Variants in RABGAP1L observed in about 807,000 individuals in gnomAD.
RABGAP1L encodes rab GTPase-activating protein 1-like.
In RABGAP1L, 63 loss-of-function variants were observed where a neutral mutation model predicts 137.7. The observed-to-expected ratio is 0.46, with a 90% CI of 0.37 to 0.56. RABGAP1L has a LOEUF of 0.56. RABGAP1L is among the 20% of genes least tolerant of loss of function. The pLI is 0.00. For missense variants in RABGAP1L, 1,095 were observed against 1,244.0 expected (o/e 0.88, Z 1.80); for synonymous variants, 431 against 433.7 (o/e 0.99, Z 0.08).
chr1:174,564,004 C>G (rs1236490183), intron 13 of RABGAP1L, among the ~76,000 whole-genome samples: 1 of 152,048 alleles, frequency 6.6e-6, no homozygotes, highest in Non-Finnish European at 1.5e-5. Context: ...ATGGTTACTC[C>G]AGCTCCTGCA....
chr1:174,851,371 T>C (rs1206535639), intron 19 of RABGAP1L, among the ~76,000 whole-genome samples: 1 of 152,204 alleles, frequency 6.6e-6, no homozygotes, highest in Non-Finnish European at 1.5e-5. Flanking sequence ...TCGTTTCCAT[T>C]GGTGCCATAA....
At chr1:174,901,167 C>G (rs1363897718) in intron 19 of RABGAP1L, among the ~76,000 whole-genome samples, 1 of 152,068 alleles carries the variant, frequency 6.6e-6, no homozygotes, top group Non-Finnish European at 1.5e-5. Flanking sequence ...CCTCTCTAAC[C>G]TGGCTATTCT....
intron 14 of RABGAP1L, among the ~76,000 whole-genome samples, chr1:174,655,740 T>G (rs964871093): frequency 2.0e-5 from 3 of 152,264 alleles, no homozygotes; most frequent in African/African-American, 7.2e-5. Flanking sequence ...CTCATTTTAT[T>G]CAATGGATTG....
intron 13 of RABGAP1L, among the ~76,000 whole-genome samples, chr1:174,568,970 T>C (rs991191424): frequency 6.6e-6 from 1 of 152,238 alleles, no homozygotes; most frequent in Non-Finnish European, 1.5e-5. Context: ...GGCACTTTGC[T>C]AACCTCTCTA....
intron 13 of RABGAP1L, among the ~76,000 whole-genome samples, chr1:174,600,156 T>C (rs767974643): frequency 6.6e-6 from 1 of 152,114 alleles, no homozygotes; most frequent in Non-Finnish European, 1.5e-5. Flanking sequence ...ACCCAGCAGA[T>C]CTTGTGAGAC....
At chr1:174,880,370 G>A (rs1258324936) in intron 19 of RABGAP1L, among the ~76,000 whole-genome samples, 1 of 151,854 alleles carries the variant, frequency 6.6e-6, no homozygotes, top group Non-Finnish European at 1.5e-5. Flanking sequence ...TGTGACTCAT[G>A]CCTGTAATCT....
chr1:174,402,085 G>A (rs1331717524), intron 13 of RABGAP1L, among the ~76,000 whole-genome samples: 1 of 152,120 alleles, frequency 6.6e-6, no homozygotes, highest in African/African-American at 2.4e-5. Flanking sequence ...GATGCTAAAC[G>A]CTTCCTGAAG....
chr1:174,809,410 C>T (rs78171382), intron 18 of RABGAP1L, among the ~76,000 whole-genome samples: 2,579 of 152,274 alleles, frequency 0.017, 73 homozygotes, highest in African/African-American at 0.059. Context: ...ACATGGCCAT[C>T]CCTGCTTGAC....
intron 12 of RABGAP1L, among the ~76,000 whole-genome samples, chr1:174,380,631 G>T (rs1453756679): frequency 6.6e-6 from 1 of 151,986 alleles, no homozygotes; most frequent in African/African-American, 2.4e-5. Context: ...GATCTGTGAT[G>T]ATATCCCCTT....
intron 1 of RABGAP1L, among the ~76,000 whole-genome samples, chr1:174,205,023 A>G (rs1278563641): frequency 6.6e-6 from 1 of 152,102 alleles, no homozygotes; most frequent in East Asian, 1.9e-4. Flanking sequence ...GTGAGAATGG[A>G]CTAATAAAGG....
intron 13 of RABGAP1L, among the ~76,000 whole-genome samples, chr1:174,565,884 A>ATTTT (rs776033808): frequency 1.5e-5 from 2 of 132,756 alleles, no homozygotes; most frequent in African/African-American, 2.8e-5. Context: ...AATCCTTTAC[A>ATTTT]TTTTTTTTTT....
chr1:174,926,500 A>G (rs1662864206), intron 19 of RABGAP1L, among the ~76,000 whole-genome samples: 1 of 151,910 alleles, frequency 6.6e-6, no homozygotes, highest in Admixed American at 6.6e-5. Flanking sequence ...AAAGACCTTA[A>G]GTTTTTGTAG....
intron 13 of RABGAP1L, among the ~76,000 whole-genome samples, chr1:174,614,866 G>T (rs1373443785): frequency 2.0e-5 from 3 of 152,016 alleles, no homozygotes; most frequent in Non-Finnish European, 2.9e-5. Context: ...CCAGTTGATC[G>T]TATCGGCTCC....
intron 1 of RABGAP1L, among the ~76,000 whole-genome samples, chr1:174,165,681 T>C (rs1214484316): frequency 6.6e-6 from 1 of 151,990 alleles, no homozygotes. Context: ...TCATTACTTG[T>C]AGAGACGGGG....
chr1:174,335,982 TG>T (rs1178109066), intron 11 of RABGAP1L, among the ~76,000 whole-genome samples: 1 of 152,232 alleles, frequency 6.6e-6, no homozygotes, highest in Non-Finnish European at 1.5e-5. Flanking sequence ...CTTAACACTT[TG>T]TTGTACCTTT....
chr1:174,635,699 G>A (rs1031685045), intron 13 of RABGAP1L, among the ~76,000 whole-genome samples: 1 of 151,974 alleles, frequency 6.6e-6, no homozygotes, highest in African/African-American at 2.4e-5. Context: ...AATTTCCTCT[G>A]GATCGATTTG....
chr1:174,251,942 G>A (rs1182384908), intron 6 of RABGAP1L, among the ~76,000 whole-genome samples: 1 of 151,138 alleles, frequency 6.6e-6, no homozygotes, highest in African/African-American at 2.4e-5. Flanking sequence ...TGTCGCCCAG[G>A]CAAGATTGCA....
intron 11 of RABGAP1L, among the ~76,000 whole-genome samples, chr1:174,328,492 G>T (rs1046809293): frequency 1.3e-5 from 2 of 152,064 alleles, no homozygotes; most frequent in African/African-American, 2.4e-5. Context: ...TTTCTTGGCC[G>T]GGCACGTTGT....
chr1:174,871,104 G>A (rs1457909083), intron 19 of RABGAP1L, among the ~76,000 whole-genome samples: 1 of 151,740 alleles, frequency 6.6e-6, no homozygotes, highest in Non-Finnish European at 1.5e-5. Context: ...TACAAAATCT[G>A]TAATCCCCCT....
Sources: gnomAD v4.1 joint callset for allele counts (sites outside exome capture counted in the v4.1 genomes callset) on GRCh38, gnomAD v4.1.1 for gene constraint, MANE v1.5 for transcripts, NCBI Gene and HGNC (gene_info 2026-07-23, HGNC 2026-07-21) for gene names.